MRAP2: variants seen among roughly 807,000 people sequenced by gnomAD.
The protein encoded by MRAP2 is melanocortin 2 receptor accessory protein 2, also known as melanocortin-2 receptor accessory protein 2.
In MRAP2, 20 loss-of-function variants were observed where a neutral mutation model predicts 17.4. That is an observed-to-expected ratio of 1.15 (90% CI 0.81 to 1.67). MRAP2 has a LOEUF of 1.67. MRAP2 is among the 40% of genes most tolerant of loss of function. The pLI is 0.00. For synonymous variants in MRAP2, 96 were observed against 88.4 expected (o/e 1.09, Z -0.48); for missense variants, 238 against 240.0 (o/e 0.99, Z 0.05).
chr6:84,113,831 C>A, the MRAP2 span, among the ~76,000 whole-genome samples: 1 of 152,264 alleles, frequency 6.6e-6, no homozygotes, highest in Non-Finnish European at 1.5e-5. Context: ...TTTCATTTCT[C>A]TTTCACTTTT....
chr6:84,131,861 T>C, the MRAP2 span, among the ~76,000 whole-genome samples: 3 of 152,198 alleles, frequency 2.0e-5, no homozygotes, highest in African/African-American at 7.2e-5. Flanking sequence ...AATATTGTTA[T>C]GTGTGAATTT....
intron 3 of MRAP2, among the ~76,000 whole-genome samples, chr6:84,075,418 G>T (rs1015776878): frequency 6.6e-6 from 1 of 152,162 alleles, no homozygotes; most frequent in Non-Finnish European, 1.5e-5. Flanking sequence ...CTTTGATGGG[G>T]ATTATTTTTT....
chr6:84,138,464 G>A, the MRAP2 span, among the ~76,000 whole-genome samples: 2 of 152,124 alleles, frequency 1.3e-5, no homozygotes, highest in Non-Finnish European at 2.9e-5. Flanking sequence ...TACACAGGAC[G>A]TCAGGAGAGT....
intron 1 of MRAP2, among the ~76,000 whole-genome samples, chr6:84,040,284 C>T (rs568820088): frequency 4.6e-5 from 7 of 152,318 alleles, no homozygotes; most frequent in South Asian, 2.1e-4. Flanking sequence ...CCTAGCCCTG[C>T]GGAGCTGTGA....
chr6:84,075,692 C>T (rs2099497415), intron 3 of MRAP2, among the ~76,000 whole-genome samples: 1 of 152,182 alleles, frequency 6.6e-6, no homozygotes, highest in South Asian at 2.1e-4. Context: ...CATTACGTGC[C>T]TCACATACCC....
intron 1 of MRAP2, among the ~76,000 whole-genome samples, chr6:84,050,827 G>C (rs2099490236): frequency 6.6e-6 from 1 of 152,212 alleles, no homozygotes; most frequent in African/African-American, 2.4e-5. Context: ...GAGAGTCATT[G>C]CAATTGGGAA....
the MRAP2 span, among the ~76,000 whole-genome samples, chr6:84,096,427 G>GT: frequency 9.9e-5 from 15 of 152,176 alleles, no homozygotes; most frequent in African/African-American, 3.6e-4. Flanking sequence ...AGTGTCAAGT[G>GT]TAAGTGTAGT....
chr6:84,044,809 T>C (rs2099488550), intron 1 of MRAP2, among the ~76,000 whole-genome samples: 1 of 152,254 alleles, frequency 6.6e-6, no homozygotes, highest in Non-Finnish European at 1.5e-5. Context: ...CACAATTCAG[T>C]ACATACGGCA....
chr6:84,105,348 C>A, the MRAP2 span, among the ~76,000 whole-genome samples: 1 of 152,142 alleles, frequency 6.6e-6, no homozygotes. Flanking sequence ...GCTGGGGAAG[C>A]CTCACAATCA....
intron 1 of MRAP2, among the ~76,000 whole-genome samples, chr6:84,053,125 C>T (rs1351539784): frequency 2.0e-5 from 3 of 152,124 alleles, no homozygotes; most frequent in South Asian, 2.1e-4. Flanking sequence ...TTGAGAACTG[C>T]GTGGCCGTGG....
intron 3 of MRAP2, among the ~76,000 whole-genome samples, chr6:84,085,774 G>A (rs1021787523): frequency 1.3e-5 from 2 of 152,152 alleles, no homozygotes; most frequent in Admixed American, 6.5e-5. Context: ...TGTAGAAACC[G>A]GAGTACTCTC....
At chr6:84,111,058 T>C in the MRAP2 span, among the ~76,000 whole-genome samples, 1 of 152,202 alleles carries the variant, frequency 6.6e-6, no homozygotes. Flanking sequence ...TTGTTCTTTT[T>C]GCTGAGGATT....
chr6:84,112,367 C>A, the MRAP2 span, among the ~76,000 whole-genome samples: 1 of 152,162 alleles, frequency 6.6e-6, no homozygotes, highest in East Asian at 1.9e-4. Context: ...TCCATTTCTT[C>A]TTGATTTTCT....
chr6:84,126,346 CTA>C, the MRAP2 span: 1 of 1,512,840 alleles, frequency 6.6e-7, no homozygotes, highest in Non-Finnish European at 8.9e-7. Context: ...AAGTAAAGAC[CTA>C]TATAAATATG....
the MRAP2 span, among the ~76,000 whole-genome samples, chr6:84,115,548 C>A: frequency 6.6e-6 from 1 of 152,076 alleles, no homozygotes. Context: ...GACCACTTGG[C>A]TCTCTGGCTT....
the MRAP2 span, among the ~76,000 whole-genome samples, chr6:84,113,404 C>A: frequency 6.6e-6 from 1 of 152,160 alleles, no homozygotes; most frequent in Non-Finnish European, 1.5e-5. Flanking sequence ...ACTAGGATTG[C>A]AACCCCTGCT....
the MRAP2 span, among the ~76,000 whole-genome samples, chr6:84,103,822 G>A: frequency 1.3e-5 from 2 of 152,112 alleles, no homozygotes; most frequent in Non-Finnish European, 2.9e-5. Context: ...TGCAGGGTAC[G>A]CTTTACTGAG....
chr6:84,103,004 C>T, the MRAP2 span, among the ~76,000 whole-genome samples: 1 of 152,138 alleles, frequency 6.6e-6, no homozygotes, highest in Non-Finnish European at 1.5e-5. Context: ...AAAATGTAGA[C>T]AGACAAATAT....
chr6:84,121,070 T>A, the MRAP2 span, among the ~76,000 whole-genome samples: 8 of 143,056 alleles, frequency 5.6e-5, no homozygotes, highest in African/African-American at 2.1e-4. Flanking sequence ...TACCTTTTTA[T>A]TTTTTAATTT....
Sources: gnomAD v4.1 joint callset for allele counts (sites outside exome capture counted in the v4.1 genomes callset) on GRCh38, gnomAD v4.1.1 for gene constraint, MANE v1.5 for transcripts, NCBI Gene and HGNC (gene_info 2026-07-23, HGNC 2026-07-21) for gene names.